Variants in ITGA6 observed in about 807,000 individuals in gnomAD.
ITGA6 encodes the protein integrin subunit alpha 6, also known as integrin alpha-6.
ITGA6 carries 63 observed loss-of-function variants against 133.6 expected under a neutral mutation model. The observed-to-expected ratio is 0.47, with a 90% CI of 0.38 to 0.58. The LOEUF is 0.58. ITGA6 is among the 20% of genes least tolerant of loss of function. The pLI is 0.00. For synonymous variants in ITGA6, 434 were observed against 482.0 expected, an observed-to-expected ratio of 0.90 and a Z score of 1.30; for missense variants, 1,068 against 1,309.4, an observed-to-expected ratio of 0.82 and a Z score of 2.85.
intron 1 of ITGA6, among the ~76,000 whole-genome samples, chr2:172,428,913 A>C (rs1273625584): frequency 6.6e-6 from 1 of 152,228 alleles, no homozygotes; most frequent in Non-Finnish European, 1.5e-5. Context: ...TAGTCGCCTT[A>C]ATCGCTATGG....
At chr2:172,502,472 T>C (rs1687389582) in intron 25 of ITGA6, among the ~76,000 whole-genome samples, 1 of 152,204 alleles carries the variant, frequency 6.6e-6, no homozygotes, top group African/African-American at 2.4e-5. Flanking sequence ...AATCGTTTTA[T>C]GCTAGCTAAG....
intron 1 of ITGA6, among the ~76,000 whole-genome samples, chr2:172,443,774 ATTTC>A (rs1302391410): frequency 6.6e-6 from 1 of 152,124 alleles, no homozygotes; most frequent in Non-Finnish European, 1.5e-5. Flanking sequence ...ACTTGATGTT[ATTTC>A]TTTTTTCTTT....
chr2:172,486,909 C>T, intron 13 of ITGA6, 114 bp from the exon 14 acceptor site: 1 of 713,298 alleles, frequency 1.4e-6, no homozygotes, highest in South Asian at 1.5e-5. Context: ...TTGAATTCTG[C>T]ATTGGTAATT....
chr2:172,487,443 G>A lies in ITGA6; in HGVS notation c.2150G>A (p.Arg717Lys), dbSNP rs1686736031. 3 of 1,613,982 alleles carry A rather than the reference G, an allele frequency of 1.9e-6. No homozygotes were observed. The highest frequency in any genetic ancestry group is 2.5e-6 in the Non-Finnish European group (3 of 1,179,894). ...TLTYSAYRELRAFPEKQLSCV... is the reference protein window; with the variant it reads ...TLTYSAYRELKAFPEKQLSCV... ...ACCTATTCTGCATATAGAGAACTGA[G>A]GGCTTTCCCTGTAAGTATTGTTAGA... The change falls in exon 15 of 26, where the codon AGG becomes AAG. Residue 717 changes from arginine (R) to lysine (K), a missense_variant. This residue lies in a region of ITGA6 where 609 missense variants were observed against 707.2 expected (regional missense o/e 0.86). Coordinates refer to ENST00000684293, the MANE Select transcript of ITGA6 (RefSeq NM_000210.4).
chr2:172,487,693 A>G (rs374467316), intron 16 of ITGA6, 35 bp from the exon 17 acceptor site: 7 of 1,592,200 alleles, frequency 4.4e-6, no homozygotes, highest in Non-Finnish European at 6.0e-6. Flanking sequence ...GTCTGTATGC[A>G]TGGCCTGTGT....
intron 9 of ITGA6, among the ~76,000 whole-genome samples, chr2:172,477,984 A>G (rs760084810): frequency 6.6e-6 from 1 of 152,242 alleles, no homozygotes; most frequent in Non-Finnish European, 1.5e-5. Context: ...CACAGTTTTC[A>G]TAATTCATGT....
At chr2:172,432,987 G>A (rs1374383676) in intron 1 of ITGA6, among the ~76,000 whole-genome samples, 1 of 152,120 alleles carries the variant, frequency 6.6e-6, no homozygotes, top group Non-Finnish European at 1.5e-5. Flanking sequence ...TAACTCTTTC[G>A]GTAGGATGGT....
chr2:172,470,919 T>C, intron 4 of ITGA6, 55 bp from the exon 5 acceptor site: 1 of 1,587,210 alleles, frequency 6.3e-7, no homozygotes. Context: ...GAACCATTTA[T>C]TTTCTTTTGT....
chr2:172,487,940 T>C, intron 17 of ITGA6, 21 bp from the exon 18 acceptor site: 2 of 1,605,646 alleles, frequency 1.2e-6, no homozygotes, highest in South Asian at 1.1e-5. Context: ...TACAACCCTA[T>C]TGTTTCCTTT....
rs373610682 is a variant in ITGA6, at chr2:172,489,665, C to T, written c.2679+7C>T. 3.0e-5 allele frequency: 48 copies of T among 1,610,564 alleles called. No homozygotes were observed. The highest frequency in any genetic ancestry group is 1.3e-4 in the Admixed American group (8 of 59,968). The stretch of plus-strand genomic sequence containing the variant: ...AAACTCCCTGAACCTAACGGTATGT[C>T]GGTAGATTTATCTAATGTCTCCATA... On this transcript the variant is annotated splice_region_variant and intron_variant, in intron 20 of 25. Transcript: ENST00000684293.
chr2:172,480,386 G>A (rs202178273), intron 11 of ITGA6, among the ~76,000 whole-genome samples: 3 of 152,160 alleles, frequency 2.0e-5, no homozygotes, highest in East Asian at 3.9e-4. Context: ...GTGAGGTGGT[G>A]GGTGGTGGCT....
Position 172,491,572 on chromosome 2 carries a change from C to A in ITGA6, c.2988+49C>A. ...CAGGTTCAGAACATGTCTCTTTTCC[C>A]TGTACCCCACACTCATGTCCTGAAG... On this transcript the variant is annotated intron_variant, in intron 23 of 25. Coordinates refer to ENST00000684293, the MANE Select transcript of ITGA6 (RefSeq NM_000210.4). This position sits in a 1 kb window ranked among gnomAD's most constrained non-coding sequence, Gnocchi z 4.4. 1 of 1,186,888 alleles carries A rather than the reference C, an allele frequency of 8.4e-7. No homozygotes were observed. The highest frequency in any genetic ancestry group is 1.2e-5 in the South Asian group (1 of 80,784). The allele number at this position is 1,186,888 out of a possible 1,614,324, so 73.5% of individuals were successfully genotyped here.
At chr2:172,502,077 G>A (rs1687372530) in intron 25 of ITGA6, among the ~76,000 whole-genome samples, 176 bp downstream of exon 25, 1 of 151,562 alleles carries the variant, frequency 6.6e-6, no homozygotes, top group South Asian at 2.1e-4. Flanking sequence ...CTCAGTTTTT[G>A]TTTTTTTTAA....
Position 172,484,232 on chromosome 2 carries a change from C to T in ITGA6, c.1550-550C>T, listed in dbSNP as rs574914900. On this transcript the variant is annotated intron_variant, in intron 11 of 25. Transcript: ENST00000684293. ...ATCAGTGCTTCTTAAAACTTTAATA[C>T]GTATAAGAATCATCTGGTGATGCTG... 3.3e-5 allele frequency among the ~76,000 whole-genome samples: 5 copies of T among 152,316 alleles called. No homozygotes were observed. In the South Asian group the frequency reaches 8.3e-4, roughly 25 times the overall value.
At chr2:172,497,936 G>A (rs1252849991) in intron 23 of ITGA6, 39 bp from the exon 24 acceptor site, 12 of 1,611,846 alleles carry the variant, frequency 7.4e-6, no homozygotes, top group East Asian at 6.7e-5. Context: ...AACTCTTGCC[G>A]CTGTATGTAG....
chr2:172,432,119 T>A (rs920687267), intron 1 of ITGA6, among the ~76,000 whole-genome samples: 1 of 152,166 alleles, frequency 6.6e-6, no homozygotes, highest in African/African-American at 2.4e-5. Flanking sequence ...AGAGGGACAG[T>A]GAGACAAAAC....
At chr2:172,454,033 T>G (rs751501125) in intron 1 of ITGA6, among the ~76,000 whole-genome samples, 3 of 151,862 alleles carry the variant, frequency 2.0e-5, no homozygotes, top group African/African-American at 4.8e-5. Flanking sequence ...ATGATAATTA[T>G]AAGAGATGGG....
At chr2:172,443,949 A>AT (rs933401775) in intron 1 of ITGA6, among the ~76,000 whole-genome samples, 6 of 151,800 alleles carry the variant, frequency 4.0e-5, no homozygotes, top group African/African-American at 1.5e-4. Flanking sequence ...TAATCTTTGT[A>AT]TTTTTTGTAA....
chr2:172,471,947 G>A (rs1017262743), intron 5 of ITGA6, among the ~76,000 whole-genome samples: 2 of 151,024 alleles, frequency 1.3e-5, no homozygotes, highest in Admixed American at 1.3e-4. Flanking sequence ...GGATATTACT[G>A]GAAGAATGGA....
Sources: allele counts gnomAD v4.1 joint callset (sites outside exome capture counted in the v4.1 genomes callset), GRCh38; gene constraint gnomAD v4.1.1; regional missense constraint gnomAD v4.1.1; non-coding constraint Gnocchi (gnomAD v3.1); transcripts MANE v1.5; gene names NCBI Gene and HGNC (gene_info 2026-07-23, HGNC 2026-07-21).